The following ATF2 variants were observed in gnomAD, a reference collection of about 807,000 sequenced individuals.
ATF2 encodes the protein activating transcription factor 2.
In ATF2, 24 loss-of-function variants were observed where a neutral mutation model predicts 60.6. The ratio of observed to expected loss-of-function variants is 0.40; its 90% CI spans 0.29 to 0.56. The LOEUF is 0.56. Ranked by LOEUF, ATF2 falls within the 20% of genes least tolerant of loss-of-function variation. The probability of loss-of-function intolerance (pLI) is 0.54; values close to 1 mark genes in which losing one functional copy is unlikely to be tolerated. For synonymous variants in ATF2, 206 were observed against 215.4 expected (o/e 0.96, Z 0.38); for missense variants, 433 against 607.7 (o/e 0.71, Z 3.02).
chr2:175,106,811 G>C (rs1473200527), intron 10 of ATF2, among the ~76,000 whole-genome samples: 3 of 152,152 alleles, frequency 2.0e-5, no homozygotes, highest in African/African-American at 7.2e-5. Flanking sequence ...ACTCCAGCCT[G>C]GGCGACAGAG....
chr2:175,108,358 G>A (rs1483343337), intron 10 of ATF2, among the ~76,000 whole-genome samples: 3 of 151,588 alleles, frequency 2.0e-5, no homozygotes, highest in East Asian at 2.0e-4. Flanking sequence ...CGCCTCGTCC[G>A]GGAGGGAGGT....
At position 175,112,423 on chromosome 2, in the gene ATF2, C is replaced by T. The variant is rs184595200; in HGVS notation, c.742-769G>A. On this transcript the variant is annotated intron_variant, in intron 9 of 13. Transcript: ENST00000264110. ...AAGAAGGCACATTATCTTGAAATTA[C>T]GTCAATCAATGCTAATTTTGGATAG... is the stretch of plus-strand genomic sequence containing the variant. 1.5e-3 allele frequency among the ~76,000 whole-genome samples: 232 copies of T among 152,032 alleles called. 1 individual carries two copies. Among genetic ancestry groups the T allele is most frequent in the African/African-American group, 5.2e-3 (216 of 41,458 alleles).
chr2:175,167,598 G>A (rs755711327), intron 1 of ATF2: 8 of 476,284 alleles, frequency 1.7e-5, no homozygotes, highest in Admixed American at 4.6e-5. Context: ...TGGGTGGGGA[G>A]ACCAGAGTGG....
intron 1 of ATF2, among the ~76,000 whole-genome samples, chr2:175,153,605 G>A (rs1174121869): frequency 6.6e-6 from 1 of 152,034 alleles, no homozygotes; most frequent in Non-Finnish European, 1.5e-5. Flanking sequence ...CTAGGAGGGT[G>A]GATCACAAGG....
chr2:175,138,385 C>G lies in ATF2; in HGVS notation c.-43-1899G>C, dbSNP rs1214339530. On this transcript the variant is annotated intron_variant, in intron 2 of 13. Transcript: ENST00000264110. ...ACATTAACTAATCAAGCATCCAACT[C>G]AGAGCTCCTTTTCTTACAACCTCAA... is the stretch of plus-strand genomic sequence containing the variant. Among the ~76,000 whole-genome samples the G allele has an allele frequency of 3.3e-5, 5 of 152,160 alleles. No individual in the cohort carries two copies. The East Asian group carries it at 9.6e-4, about 29-fold the overall frequency.
chr2:175,127,044 CA>C (rs1349694459), intron 4 of ATF2: 6 of 151,126 alleles, frequency 4.0e-5, no homozygotes, highest in Non-Finnish European at 7.4e-5. Context: ...ACAGCCTGGA[CA>C]ACATTGAGAG....
intron 10 of ATF2, among the ~76,000 whole-genome samples, 168 bp downstream of exon 10, chr2:175,111,400 G>T (rs1696175991): frequency 6.6e-6 from 1 of 152,140 alleles, no homozygotes; most frequent in African/African-American, 2.4e-5. Flanking sequence ...TACTCACTAT[G>T]CTAAAGGAAG....
At chr2:175,164,892 T>C (rs1475688078) in intron 1 of ATF2, among the ~76,000 whole-genome samples, 1 of 152,248 alleles carries the variant, frequency 6.6e-6, no homozygotes, top group African/African-American at 2.4e-5. Context: ...AGTCTCATTC[T>C]GTTGCCCAGG....
chr2:175,111,750 C>T, intron 9 of ATF2, 96 bp from the exon 10 acceptor site: 1 of 1,056,640 alleles, frequency 9.5e-7, no homozygotes, highest in African/African-American at 1.6e-5. Flanking sequence ...CTTTAAGAAT[C>T]AGAACATTGT....
At chr2:175,085,757 G>C (rs1417172260) in intron 12 of ATF2, among the ~76,000 whole-genome samples, 1 of 152,058 alleles carries the variant, frequency 6.6e-6, no homozygotes, top group East Asian at 1.9e-4. Context: ...AGCTAGGAAA[G>C]GTTAATGAAC....
intron 9 of ATF2, among the ~76,000 whole-genome samples, chr2:175,112,490 T>C (rs947780041): frequency 5.9e-5 from 9 of 152,248 alleles, no homozygotes; most frequent in African/African-American, 2.2e-4. Context: ...TAAAAAAAGA[T>C]ATAAATATCA....
intron 3 of ATF2, among the ~76,000 whole-genome samples, chr2:175,134,540 TAA>T (rs34374458): frequency 4.7e-4 from 64 of 134,932 alleles, no homozygotes; most frequent in South Asian, 7.0e-4. Flanking sequence ...AAAACTGGTT[TAA>T]AAAAAAAAAA....
intron 13 of ATF2, among the ~76,000 whole-genome samples, chr2:175,078,977 T>C (rs1574306011): frequency 6.6e-6 from 1 of 152,182 alleles, no homozygotes; most frequent in Admixed American, 6.6e-5. Context: ...GGAATAAAGA[T>C]AGGATTATTT....
chr2:175,141,012 A>T lies in ATF2; in HGVS notation c.-43-4526T>A, dbSNP rs1559107136. 8.6e-5 allele frequency among the ~76,000 whole-genome samples: 9 copies of T among 104,966 alleles called. No homozygotes were observed. In the South Asian group the frequency reaches 9.0e-4, roughly 10 times the overall value. The allele number at this position is 104,966 out of a possible 152,430, so 68.9% of individuals were successfully genotyped here. ...ACCCTATCTCAGGAAAAAAAAAAAAAAAAAAAAAAAAAAAAAAAATATATA... is the reference window on the plus strand; with the variant it reads ...ACCCTATCTCAGGAAAAAAAAAAAATAAAAAAAAAAAAAAAAAAATATATA... On this transcript the variant is annotated intron_variant, in intron 2 of 13. Coordinates refer to ENST00000264110, the MANE Select transcript of ATF2 (RefSeq NM_001880.4).
intron 2 of ATF2, among the ~76,000 whole-genome samples, chr2:175,140,225 C>T (rs889436098): frequency 2.6e-5 from 4 of 151,998 alleles, no homozygotes; most frequent in African/African-American, 9.7e-5. Flanking sequence ...GATTAAAAGT[C>T]CCAAATCAGA....
At chr2:175,155,009 G>A (rs1699581845) in intron 1 of ATF2, among the ~76,000 whole-genome samples, 1 of 152,198 alleles carries the variant, frequency 6.6e-6, no homozygotes, top group Non-Finnish European at 1.5e-5. Flanking sequence ...GAGGACAGGA[G>A]GTAGGCAGGA....
At chr2:175,078,302 T>C (rs1003681857) in intron 13 of ATF2, among the ~76,000 whole-genome samples, 12 of 140,482 alleles carry the variant, frequency 8.5e-5, no homozygotes, top group Non-Finnish European at 1.3e-4. Flanking sequence ...AAAGTATTTG[T>C]GGTTGATTAG....
chr2:175,160,843 C>T (rs1699981732), intron 1 of ATF2, among the ~76,000 whole-genome samples: 1 of 151,968 alleles, frequency 6.6e-6, no homozygotes, highest in Admixed American at 6.6e-5. Flanking sequence ...GAGTTTGAGA[C>T]CAGCCTGGGC....
At chr2:175,136,311 A>G in intron 3 of ATF2, 101 bp downstream of exon 3, 1 of 1,169,420 alleles carries the variant, frequency 8.6e-7, no homozygotes, top group Non-Finnish European at 1.3e-6. Flanking sequence ...TTTGTATGGA[A>G]AAAAACACCA....
Sources: allele counts gnomAD v4.1 joint callset (sites outside exome capture counted in the v4.1 genomes callset), GRCh38; gene constraint gnomAD v4.1.1; transcripts MANE v1.5; gene names NCBI Gene and HGNC (gene_info 2026-07-23, HGNC 2026-07-21).